HPR: variants seen among roughly 807,000 people sequenced by gnomAD.
HPR encodes Haptoglobin-related locus.
A neutral mutation model predicts 18.5 loss-of-function variants in HPR; 17 were observed. That is an observed-to-expected ratio of 0.92 (90% CI 0.63 to 1.38). The LOEUF (loss-of-function observed/expected upper bound fraction) is 1.38, where lower values mean the gene tolerates loss of function less well. Ranked by LOEUF, HPR falls within the 40% of genes most tolerant of loss-of-function variation. The probability of loss-of-function intolerance (pLI) is 0.00; values close to 1 mark genes in which losing one functional copy is unlikely to be tolerated. For synonymous variants in HPR, 176 were observed against 165.0 expected (o/e 1.07, Z -0.51); for missense variants, 457 against 432.4 (o/e 1.06, Z -0.51).
Position 72,076,830 on chromosome 16 carries a change from C to A in HPR, c.796C>A (p.Pro266Thr). The A allele has an allele frequency of 1.2e-6, 2 of 1,614,210 alleles. No individual in the cohort carries two copies. The highest frequency in any genetic ancestry group is 1.7e-6 in the Non-Finnish European group (2 of 1,180,040). The change falls in exon 5 of 5, where the codon CCG (proline) becomes ACG (threonine). Residue 266 changes from proline (P) to threonine (T), a missense_variant. Pro to Thr is a conservative substitution (Grantham distance 38). Transcript: ENST00000540303. ...CAGCACATGCCCCAAATGGAAGGCA[C>A]CGAAGAGCCCTGTAGGGGTGCAGCC... The part of the protein sequence containing the change: ...EGSTCPKWKA[P>T]KSPVGVQPIL...
chr16:72,072,336 T>G (rs921087497), intron 1 of HPR, among the ~76,000 whole-genome samples: 10 of 152,138 alleles, frequency 6.6e-5, no homozygotes, highest in African/African-American at 2.2e-4. Flanking sequence ...CTAGAGATGC[T>G]CTTAAAGGGA....
intron 3 of HPR, 51 bp from the exon 4 acceptor site, chr16:72,075,094 T>C (rs1236427212): frequency 2.8e-6 from 2 of 722,798 alleles, no homozygotes; most frequent in East Asian, 2.7e-5. Context: ...CACTCTGCTC[T>C]GGGTGCAGAC....
At chr16:72,076,250 A>T in intron 4 of HPR, 53 bp from the exon 5 acceptor site, 3 of 1,596,568 alleles carry the variant, frequency 1.9e-6, no homozygotes, top group Non-Finnish European at 2.6e-6. Context: ...CCTTTCTCAG[A>T]TGGAAAGGCT....
intron 1 of HPR, among the ~76,000 whole-genome samples, chr16:72,069,193 T>A (rs1310568627): frequency 6.6e-6 from 1 of 152,134 alleles, no homozygotes; most frequent in Non-Finnish European, 1.5e-5. Context: ...GCCTTTGGAG[T>A]GGCTCATACA....
chr16:72,070,972 T>A (rs2041648925), intron 1 of HPR, among the ~76,000 whole-genome samples: 1 of 152,114 alleles, frequency 6.6e-6, no homozygotes, highest in Admixed American at 6.6e-5. Context: ...GCCACTGCAG[T>A]GTAACCCCTC....
chr16:72,073,731 T>A (rs1567589973), intron 1 of HPR, 161 bp from the exon 2 acceptor site: 1 of 1,543,220 alleles, frequency 6.5e-7, no homozygotes, highest in Admixed American at 1.9e-5. Context: ...CACTTCCATA[T>A]ATTGATTTTC....
At chr16:72,072,647 A>G (rs777552725) in intron 1 of HPR, among the ~76,000 whole-genome samples, 2 of 152,132 alleles carry the variant, frequency 1.3e-5, no homozygotes, top group African/African-American at 2.4e-5. Flanking sequence ...CCATCAGAAT[A>G]GGGTTGCTTA....
chr16:72,073,488 T>C (rs113186879), intron 1 of HPR, among the ~76,000 whole-genome samples: 4,774 of 151,272 alleles, frequency 0.032, 269 homozygotes, highest in African/African-American at 0.11. Context: ...TAGAAGTATC[T>C]TTGGGGTGAC....
intron 1 of HPR, among the ~76,000 whole-genome samples, chr16:72,067,274 G>A (rs1333165198): frequency 2.6e-5 from 4 of 152,122 alleles, no homozygotes; most frequent in South Asian, 4.1e-4. Flanking sequence ...GTTGATTCAG[G>A]AGCGGCCTGT....
intron 1 of HPR, among the ~76,000 whole-genome samples, chr16:72,068,485 G>A (rs2041621018): frequency 6.6e-6 from 1 of 152,110 alleles, no homozygotes; most frequent in Non-Finnish European, 1.5e-5. Context: ...CATCTCCTGT[G>A]GACTTCTAAA....
In HPR at chr16:72,076,993, A is replaced by G; in HGVS notation, c.959A>G (p.Asp320Gly). Residue 320 changes from aspartate to glycine, a missense_variant, in exon 5 of 5, where the codon GAT becomes GGT. By Grantham distance (94) the Asp-to-Gly change is moderately conservative. Transcript: ENST00000540303. ...TWYAAGILSF[D>G]KSCAVAEYGV... Reference sequence around the variant, plus strand: ...TACGCGGCTGGGATCCTAAGCTTTGATAAGAGCTGTGCTGTGGCTGAGTAT... The same window carrying G: ...TACGCGGCTGGGATCCTAAGCTTTGGTAAGAGCTGTGCTGTGGCTGAGTAT... 2 of 1,614,172 alleles carry G rather than the reference A, an allele frequency of 1.2e-6. No individual in the cohort carries two copies. The highest frequency in any genetic ancestry group is 1.3e-5 in the African/African-American group (1 of 75,048).
At chr16:72,075,923 C>T (rs529630882) in intron 4 of HPR, among the ~76,000 whole-genome samples, 1 of 151,704 alleles carries the variant, frequency 6.6e-6, no homozygotes, top group African/African-American at 2.4e-5. Context: ...GATCCAACTG[C>T]CTCAGCCTCC....
chr16:72,073,898 G>T lies in HPR; in HGVS notation c.12G>T (p.Leu4=). 2 of 1,613,988 alleles carry T rather than the reference G, an allele frequency of 1.2e-6. No homozygotes were observed. The highest frequency in any genetic ancestry group is 1.7e-6 in the Non-Finnish European group (2 of 1,179,988). ...TCTTGTTTTCTCTCTGCAGTGACCT[G>T]GGAGCTGTCATTTCCCTCCTGCTCT... MSD[L]GAVISLLLWG... The change falls in exon 2 of 5, where the codon CTG becomes CTT. Residue 4 remains leucine (L), a synonymous_variant. Coordinates refer to ENST00000540303, the MANE Select transcript of HPR (RefSeq NM_020995.4).
chr16:72,069,014 G>A (rs531770244), intron 1 of HPR, among the ~76,000 whole-genome samples: 27 of 152,288 alleles, frequency 1.8e-4, no homozygotes, highest in African/African-American at 6.3e-4. Flanking sequence ...GAGGGAAAAA[G>A]ACACAACGGG....
chr16:72,065,764 C>T (rs1385181986), intron 1 of HPR, among the ~76,000 whole-genome samples: 2 of 152,140 alleles, frequency 1.3e-5, no homozygotes, highest in Non-Finnish European at 2.9e-5. Context: ...ACCTGTCCTC[C>T]TCTTTCCCTT....
rs2041686022 is a variant in HPR, at chr16:72,073,908, AT to A, written c.25del (p.Ser9ProfsTer61). The A allele has an allele frequency of 3.1e-6, 5 of 1,613,758 alleles. No individual in the cohort carries two copies. The highest frequency in any genetic ancestry group is 4.2e-6 in the Non-Finnish European group (5 of 1,179,964). On this transcript the variant is annotated frameshift_variant, in exon 2 of 5. Coordinates refer to ENST00000540303, the MANE Select transcript of HPR (RefSeq NM_020995.4). LOFTEE classifies it high-confidence loss of function. Reference sequence around the variant, plus strand: ...TCTCTGCAGTGACCTGGGAGCTGTCATTTCCCTCCTGCTCTGGGGACGACAG... The same window carrying A: ...TCTCTGCAGTGACCTGGGAGCTGTCATTCCCTCCTGCTCTGGGGACGACAG... MSDLGAV[I>X]SLLLWGRQLF...
At chr16:72,069,681 C>T (rs561564925) in intron 1 of HPR, among the ~76,000 whole-genome samples, 2 of 152,246 alleles carry the variant, frequency 1.3e-5, no homozygotes, top group Admixed American at 6.5e-5. Flanking sequence ...ACACCCTAGC[C>T]AAACAAGTTA....
At chr16:72,068,098 A>G (rs1190440367) in intron 1 of HPR, among the ~76,000 whole-genome samples, 3 of 152,168 alleles carry the variant, frequency 2.0e-5, no homozygotes, top group African/African-American at 7.2e-5. Flanking sequence ...CAAGTGCTAG[A>G]CAAAGTTTCT....
intron 1 of HPR, among the ~76,000 whole-genome samples, chr16:72,067,225 T>G (rs908544981): frequency 7.9e-5 from 12 of 152,208 alleles, no homozygotes; most frequent in Middle Eastern, 3.4e-3. Context: ...CTTGATAAAT[T>G]TGGAGGTGGG....
Sources: allele counts gnomAD v4.1 joint callset (sites outside exome capture counted in the v4.1 genomes callset), GRCh38; gene constraint gnomAD v4.1.1; transcripts MANE v1.5; gene names NCBI Gene and HGNC (gene_info 2026-07-23, HGNC 2026-07-21).